FAM107B: variants seen among roughly 807,000 people sequenced by gnomAD.
FAM107B encodes the protein protein FAM107B.
A neutral mutation model predicts 31.5 loss-of-function variants in FAM107B; 21 were observed. That is an observed-to-expected ratio of 0.67 (90% CI 0.47 to 0.96). FAM107B has a LOEUF of 0.96. Ranked by LOEUF, FAM107B falls within the 40% of genes least tolerant of loss-of-function variation. The probability of loss-of-function intolerance (pLI) is 0.00; values close to 1 mark genes in which losing one functional copy is unlikely to be tolerated. For synonymous variants in FAM107B, 157 were observed against 141.5 expected (o/e 1.11, Z -0.78); for missense variants, 452 against 377.1 (o/e 1.20, Z -1.64).
intron 1 of FAM107B, among the ~76,000 whole-genome samples, chr10:14,709,516 C>G (rs1222038858): frequency 2.6e-5 from 4 of 152,166 alleles, no homozygotes; most frequent in Non-Finnish European, 5.9e-5. Context: ...TTCACTATCA[C>G]AAGAACAGCA....
intron 2 of FAM107B, among the ~76,000 whole-genome samples, chr10:14,544,061 C>T (rs1317703211): frequency 6.6e-6 from 1 of 152,198 alleles, no homozygotes; most frequent in Non-Finnish European, 1.5e-5. Context: ...TCCACCCTCA[C>T]TCCAGGCACC....
intron 2 of FAM107B, among the ~76,000 whole-genome samples, chr10:14,618,561 G>A (rs1464217114): frequency 6.6e-6 from 1 of 152,186 alleles, no homozygotes; most frequent in Non-Finnish European, 1.5e-5. Context: ...TACGGGCCGG[G>A]CTTGGTGGCT....
intron 2 of FAM107B, among the ~76,000 whole-genome samples, chr10:14,609,167 A>G (rs1852666871): frequency 6.6e-6 from 1 of 152,246 alleles, no homozygotes; most frequent in South Asian, 2.1e-4. Flanking sequence ...ACTAAGGTGC[A>G]TTGGGTTCTA....
chr10:14,726,423 A>G (rs762190896), intron 1 of FAM107B, among the ~76,000 whole-genome samples: 20 of 152,236 alleles, frequency 1.3e-4, no homozygotes, highest in Non-Finnish European at 2.8e-4. Flanking sequence ...GCAGCAGGAC[A>G]GGATGTCTGC....
At chr10:14,537,406 T>C (rs1457124874) in intron 2 of FAM107B, among the ~76,000 whole-genome samples, 1 of 152,144 alleles carries the variant, frequency 6.6e-6, no homozygotes, top group Non-Finnish European at 1.5e-5. Flanking sequence ...AGCATGGGTT[T>C]GGGTGGGGCA....
chr10:14,628,698 GT>G (rs1202620283), intron 2 of FAM107B, among the ~76,000 whole-genome samples: 2 of 152,146 alleles, frequency 1.3e-5, no homozygotes, highest in Non-Finnish European at 2.9e-5. Context: ...ATAGGGAATA[GT>G]TTTGTGCATG....
At chr10:14,595,422 C>CTTTA (rs1852155396) in intron 2 of FAM107B, among the ~76,000 whole-genome samples, 1 of 98,148 alleles carries the variant, frequency 1.0e-5, no homozygotes, top group Non-Finnish European at 2.0e-5. Context: ...CTAGGGCAAC[C>CTTTA]TTTTTTTTTT....
Position 14,739,849 on chromosome 10 carries a change from C to T in FAM107B, c.411+34404G>A, listed in dbSNP as rs551626269. On this transcript the variant is annotated intron_variant, in intron 1 of 4. Coordinates refer to ENST00000181796, the MANE Select transcript of FAM107B (RefSeq NM_031453.4). ...GAGCTGGCCCAGGGGAAAGAAAAGC[C>T]GAGACACAGAAGGAGCAAGACAGAG... 3.4e-4 allele frequency among the ~76,000 whole-genome samples: 52 copies of T among 152,176 alleles called. 1 individual carries two copies. In the South Asian group the frequency reaches 9.8e-3, roughly 29 times the overall value.
intron 1 of FAM107B, among the ~76,000 whole-genome samples, chr10:14,766,007 C>T (rs1449419183): frequency 1.3e-5 from 2 of 152,162 alleles, no homozygotes; most frequent in Non-Finnish European, 2.9e-5. Flanking sequence ...GGCTTCCAAG[C>T]AGCACTGACA....
At chr10:14,676,902 G>C (rs970570154) in intron 1 of FAM107B, among the ~76,000 whole-genome samples, 16 of 152,208 alleles carry the variant, frequency 1.1e-4, no homozygotes, top group African/African-American at 3.9e-4. Context: ...AGCCACCCGG[G>C]TGATTGCTGT....
intron 1 of FAM107B, among the ~76,000 whole-genome samples, chr10:14,670,933 T>G (rs1854524662): frequency 6.6e-6 from 1 of 152,206 alleles, no homozygotes; most frequent in Non-Finnish European, 1.5e-5. Context: ...GCTGAATGCG[T>G]TCGTAGTGGC....
intron 1 of FAM107B, among the ~76,000 whole-genome samples, chr10:14,762,143 ATTGT>A (rs72376448): frequency 0.032 from 4,879 of 151,932 alleles, 270 homozygotes; most frequent in African/African-American, 0.11. Flanking sequence ...CCATCCCTAG[ATTGT>A]TTGTTTTTCT....
intron 2 of FAM107B, among the ~76,000 whole-genome samples, chr10:14,629,380 A>T (rs181404491): frequency 2.9e-4 from 3 of 10,352 alleles, no homozygotes; most frequent in African/African-American, 9.5e-4. Flanking sequence ...TTTAATATAT[A>T]TAATATATAT....
chr10:14,733,808 C>A (rs964915712), intron 1 of FAM107B, among the ~76,000 whole-genome samples: 6 of 152,106 alleles, frequency 3.9e-5, no homozygotes, highest in African/African-American at 1.4e-4. Flanking sequence ...GATTCCAGAC[C>A]CCATCTTCTT....
chr10:14,667,959 G>A (rs1354369419), intron 1 of FAM107B, among the ~76,000 whole-genome samples: 2 of 152,166 alleles, frequency 1.3e-5, no homozygotes, highest in Non-Finnish European at 1.5e-5. Flanking sequence ...CCCTGGAGTG[G>A]TGCAACCCAG....
intron 2 of FAM107B, among the ~76,000 whole-genome samples, chr10:14,606,294 T>C (rs1419445465): frequency 6.6e-6 from 1 of 152,126 alleles, no homozygotes; most frequent in Non-Finnish European, 1.5e-5. Flanking sequence ...TCTCTGAGAA[T>C]CAGTCTTCTC....
chr10:14,677,392 T>C (rs780731365), intron 1 of FAM107B, among the ~76,000 whole-genome samples: 4 of 151,914 alleles, frequency 2.6e-5, no homozygotes, highest in Non-Finnish European at 5.9e-5. Flanking sequence ...GAGGCCGAGG[T>C]GGGCAGATCA....
chr10:14,558,808 A>C (rs150932060), intron 2 of FAM107B, among the ~76,000 whole-genome samples: 2 of 152,242 alleles, frequency 1.3e-5, no homozygotes, highest in African/African-American at 4.8e-5. Context: ...GGTGTAGTGA[A>C]AATGTGCCTG....
chr10:14,578,053 C>T (rs555667251), intron 2 of FAM107B, among the ~76,000 whole-genome samples: 3 of 152,284 alleles, frequency 2.0e-5, no homozygotes, highest in Non-Finnish European at 4.4e-5. Context: ...ACAGGGCTCT[C>T]AACCTCCACA....
Sources: gnomAD v4.1 joint callset for allele counts (sites outside exome capture counted in the v4.1 genomes callset) on GRCh38, gnomAD v4.1.1 for gene constraint, MANE v1.5 for transcripts, NCBI Gene and HGNC (gene_info 2026-07-23, HGNC 2026-07-21) for gene names.